DUSP26: variants seen among roughly 807,000 people sequenced by gnomAD.
The protein encoded by DUSP26 is dual specificity protein phosphatase 26.
Under a neutral mutation model 20.0 loss-of-function variants are expected in DUSP26, and 12 were observed. The observed-to-expected ratio is 0.60, with a 90% CI of 0.38 to 0.97. The LOEUF (loss-of-function observed/expected upper bound fraction) is 0.97. DUSP26 is among the 50% of genes least tolerant of loss of function. The probability of loss-of-function intolerance (pLI) is 0.00; values close to 1 mark genes in which losing one functional copy is unlikely to be tolerated. For missense variants in DUSP26, 230 were observed against 294.0 expected, an observed-to-expected ratio of 0.78 and a Z score of 1.59; for synonymous variants, 120 against 118.8, an observed-to-expected ratio of 1.01 and a Z score of -0.06.
chr8:33,598,534 G>C (rs1336188646), intron 1 of DUSP26, among the ~76,000 whole-genome samples: 1 of 151,688 alleles, frequency 6.6e-6, no homozygotes, highest in Non-Finnish European at 1.5e-5. Context: ...GGAAGGAAAG[G>C]GAAAAATGAG....
At position 33,591,749 on chromosome 8, in the gene DUSP26, C is replaced by T. The variant is rs539030581; in HGVS notation, c.*264G>A. On this transcript the variant is annotated 3_prime_UTR_variant, in exon 4 of 4. Transcript: ENST00000256261. ...ACCCTGGCCAGATCCCAGCGGTGTT[C>T]GAATCCCAGGACCATCTTCCATCTA... 2.0e-3 allele frequency: 991 copies of T among 495,674 alleles called. 3 individuals are homozygous for T. Among genetic ancestry groups the T allele is most frequent in the Non-Finnish European group, 2.9e-3 (803 of 275,530 alleles). The allele number at this position is 495,674 out of a possible 1,614,324, so 30.7% of individuals were successfully genotyped here.
At chr8:33,594,963 C>T (rs1438788784) in intron 2 of DUSP26, among the ~76,000 whole-genome samples, 13 of 152,066 alleles carry the variant, frequency 8.5e-5, no homozygotes, top group Admixed American at 8.5e-4. Context: ...ACCTTGTGAT[C>T]CACCTATCTA....
At chr8:33,592,782 A>G (rs553405628) in intron 3 of DUSP26, among the ~76,000 whole-genome samples, 5 of 152,194 alleles carry the variant, frequency 3.3e-5, no homozygotes, top group Non-Finnish European at 5.9e-5. Flanking sequence ...AGCTTTGCAT[A>G]GAGTAGCGTG....
chr8:33,597,617 C>T, intron 1 of DUSP26, 26 bp from the exon 2 acceptor site: 1 of 985,534 alleles, frequency 1.0e-6, no homozygotes, highest in Non-Finnish European at 1.5e-6. Flanking sequence ...GTGTGAGACA[C>T]ACTTGAGTGA....
chr8:33,597,573 A>G lies in DUSP26; in HGVS notation c.-58T>C. On this transcript the variant is annotated 5_prime_UTR_variant, in exon 2 of 4. Transcript: ENST00000256261. ...GAGTGGCTGTGGTGATGATGGGTTCAGTTGCCAGGTAGCTGCTGCTGGAAG... is the reference window on the plus strand; with the variant it reads ...GAGTGGCTGTGGTGATGATGGGTTCGGTTGCCAGGTAGCTGCTGCTGGAAG... 6.8e-7 allele frequency: 1 copy of G among 1,477,112 alleles called. No individual in the cohort carries two copies. The highest frequency in any genetic ancestry group is 9.2e-7 in the Non-Finnish European group (1 of 1,084,510). 91.5% of individuals were successfully genotyped at this position (1,477,112 alleles called of 1,614,324 possible). A position where few individuals can be genotyped will look rare whatever the true frequency, so the allele number is the denominator to read the frequency against.
intron 1 of DUSP26, among the ~76,000 whole-genome samples, chr8:33,598,041 G>C (rs997513090): frequency 6.6e-6 from 1 of 152,122 alleles, no homozygotes; most frequent in African/African-American, 2.4e-5. Context: ...CCCATCCAAA[G>C]AGAATTAGCA....
chr8:33,593,646 C>T lies in DUSP26; in HGVS notation c.323G>A (p.Gly108Glu), dbSNP rs1477848252. ...RWRGTPEAYE[G>E]LGIRYLGVEA... The stretch of plus-strand genomic sequence containing the variant: ...AACACCCAGGTAGCGGATGCCCAGC[C>T]CCTCATAGGCCTCGGGCGTGCCTCG... The change falls in exon 3 of 4, where the codon GGG becomes GAG. Residue 108 changes from glycine (G) to glutamate (E), a missense_variant. Transcript: ENST00000256261. The T allele has an allele frequency of 1.2e-6, 2 of 1,614,050 alleles. No homozygotes were observed. Among genetic ancestry groups the T allele is most frequent in the East Asian group, 2.2e-5 (1 of 44,880 alleles).
intron 2 of DUSP26, among the ~76,000 whole-genome samples, chr8:33,596,825 T>C (rs773208388): frequency 1.3e-5 from 2 of 152,038 alleles, no homozygotes; most frequent in Non-Finnish European, 2.9e-5. Context: ...CATTGCACAA[T>C]AGATGGAAGG....
chr8:33,592,609 C>CATGAAG (rs1811049029), intron 3 of DUSP26, among the ~76,000 whole-genome samples: 1 of 144,922 alleles, frequency 6.9e-6, no homozygotes, highest in South Asian at 2.2e-4. Flanking sequence ...AGTACAGGTG[C>CATGAAG]ATGAAGACAG....
chr8:33,598,359 G>A (rs1811198573), intron 1 of DUSP26, among the ~76,000 whole-genome samples: 1 of 151,564 alleles, frequency 6.6e-6, no homozygotes, highest in Non-Finnish European at 1.5e-5. Flanking sequence ...TCTAATGTGA[G>A]AATTTCTGAA....
chr8:33,596,064 A>G (rs955572782), intron 2 of DUSP26, among the ~76,000 whole-genome samples: 1 of 151,878 alleles, frequency 6.6e-6, no homozygotes, highest in Non-Finnish European at 1.5e-5. Flanking sequence ...CAGGTGGATC[A>G]CTTGAGGCCA....
chr8:33,592,924 G>T (rs1396853149), intron 3 of DUSP26, among the ~76,000 whole-genome samples: 1 of 152,162 alleles, frequency 6.6e-6, no homozygotes, highest in Non-Finnish European at 1.5e-5. Flanking sequence ...CTCTCAGGCT[G>T]AGTGCAGTGG....
In DUSP26 at chr8:33,592,012, C is replaced by T. The variant is rs770590852; in HGVS notation, c.*1G>A. 3 of 1,613,132 alleles carry T rather than the reference C, an allele frequency of 1.9e-6. No homozygotes were observed. Among genetic ancestry groups the T allele is most frequent in the African/African-American group, 1.3e-5 (1 of 74,910 alleles). ...CTGGCCTGACCTCTCTCCCCCTCCC[C>T]TCATGCTTCCAGACCCTGCCGCAGC... On this transcript the variant is annotated 3_prime_UTR_variant, in exon 4 of 4. Transcript: ENST00000256261.
chr8:33,598,494 C>T (rs1554537201), intron 1 of DUSP26, among the ~76,000 whole-genome samples: 1 of 11,366 alleles, frequency 8.8e-5, no homozygotes, highest in Non-Finnish European at 1.6e-4. Context: ...GGAGGGGGGA[C>T]AGGGGTGGGT....
rs751257736 is a variant in DUSP26, at chr8:33,592,226, C to CAG, written c.437-15_437-14insCT. On this transcript the variant is annotated splice_polypyrimidine_tract_variant and intron_variant, in intron 3 of 3. Coordinates refer to ENST00000256261, the MANE Select transcript of DUSP26 (RefSeq NM_024025.3). The stretch of plus-strand genomic sequence containing the variant: ...CCAGGATCTTCCCTGAGAGGAGAGA[C>CAG]ACAGAGAGAGCTTTGAGACTGCTTG... The CAG allele has an allele frequency of 5.1e-6, 8 of 1,580,604 alleles. No individual in the cohort carries two copies. The highest frequency in any genetic ancestry group is 6.9e-6 in the Non-Finnish European group (8 of 1,164,168).
chr8:33,591,977 A>G lies in DUSP26; in HGVS notation c.*36T>C. On this transcript the variant is annotated 3_prime_UTR_variant, in exon 4 of 4. Coordinates refer to ENST00000256261, the MANE Select transcript of DUSP26 (RefSeq NM_024025.3). ...ATCTCCAGCTGGGAGCCAGGGACCT[A>G]CCCACGGGCCTGGCCTGACCTCTCT... is the stretch of plus-strand genomic sequence containing the variant. 3 of 1,607,330 alleles carry G rather than the reference A, an allele frequency of 1.9e-6. No individual in the cohort carries two copies. The highest frequency in any genetic ancestry group is 2.0e-4 in the Middle Eastern group (1 of 5,020).
intron 1 of DUSP26, among the ~76,000 whole-genome samples, chr8:33,598,629 G>T (rs1045514958): frequency 6.6e-6 from 1 of 152,150 alleles, no homozygotes; most frequent in Non-Finnish European, 1.5e-5. Flanking sequence ...AAAACACGAG[G>T]TCAATAACGA....
intron 2 of DUSP26, among the ~76,000 whole-genome samples, 165 bp downstream of exon 2, chr8:33,597,130 C>T (rs1238864157): frequency 6.6e-6 from 1 of 152,038 alleles, no homozygotes; most frequent in East Asian, 1.9e-4. Context: ...CCTGGCCAAA[C>T]TCTCCCAAAC....
At position 33,593,572 on chromosome 8, in the gene DUSP26, C is replaced by T. The variant is rs1215672084; in HGVS notation, c.397G>A (p.Ala133Thr). 1.2e-6 allele frequency: 2 copies of T among 1,613,922 alleles called. No homozygotes were observed. The highest frequency in any genetic ancestry group is 2.7e-5 in the African/African-American group (2 of 74,928). Residue 133 changes from alanine (A) to threonine (T), a missense_variant, in exon 3 of 4, where the codon GCT becomes ACT. Coordinates refer to ENST00000256261, the MANE Select transcript of DUSP26 (RefSeq NM_024025.3). ...AFDMSIHFQT[A>T]ADFIHRALSQ... ...AGCGCCCGGTGGATGAAGTCGGCAG[C>T]CGTCTGGAAGTGGATGCTCATGTCA...
Sources: gnomAD v4.1 joint callset for allele counts (sites outside exome capture counted in the v4.1 genomes callset) on GRCh38, gnomAD v4.1.1 for gene constraint, MANE v1.5 for transcripts, NCBI Gene and HGNC (gene_info 2026-07-23, HGNC 2026-07-21) for gene names.